The following STAU2 variants were observed in gnomAD, a reference collection of about 807,000 sequenced individuals.
The protein encoded by STAU2 is double-stranded RNA-binding protein Staufen homolog 2.
In STAU2, 20 loss-of-function variants were observed where a neutral mutation model predicts 65.9. That is an observed-to-expected ratio of 0.30 (90% CI 0.21 to 0.44). STAU2 has a LOEUF of 0.44. STAU2 is among the 20% of genes least tolerant of loss of function. STAU2 has a pLI of 1.00. For synonymous variants in STAU2, 232 were observed against 233.9 expected, an observed-to-expected ratio of 0.99 and a Z score of 0.07; for missense variants, 558 against 683.9, an observed-to-expected ratio of 0.82 and a Z score of 2.05.
chr8:73,511,859 T>C (rs956603542), intron 13 of STAU2, among the ~76,000 whole-genome samples: 6 of 152,242 alleles, frequency 3.9e-5, no homozygotes, highest in Non-Finnish European at 5.9e-5. Context: ...ATTTCTCCTA[T>C]GGTTCTTTGA....
intron 13 of STAU2, among the ~76,000 whole-genome samples, chr8:73,496,058 T>A (rs963673952): frequency 5.3e-5 from 8 of 151,422 alleles, no homozygotes; most frequent in African/African-American, 1.9e-4. Context: ...GAAATCCAAT[T>A]CAAAAATGAG....
intron 10 of STAU2, among the ~76,000 whole-genome samples, chr8:73,601,597 G>A (rs551525629): frequency 9.2e-5 from 14 of 152,132 alleles, no homozygotes; most frequent in South Asian, 2.1e-4. Context: ...TACAAAGGCC[G>A]TTACTTTGAT....
chr8:73,459,661 T>C (rs951873031), intron 13 of STAU2, among the ~76,000 whole-genome samples: 2 of 151,964 alleles, frequency 1.3e-5, no homozygotes, highest in African/African-American at 2.4e-5. Flanking sequence ...AAACCCAACC[T>C]CAAGCTCACG....
intron 3 of STAU2, among the ~76,000 whole-genome samples, chr8:73,719,248 C>G (rs994806464): frequency 3.3e-5 from 5 of 152,012 alleles, no homozygotes; most frequent in Admixed American, 3.3e-4. Context: ...CTAAAAAATA[C>G]AAAAAAATTA....
chr8:73,459,357 T>G (rs1819226656), intron 13 of STAU2, among the ~76,000 whole-genome samples: 1 of 152,212 alleles, frequency 6.6e-6, no homozygotes, highest in African/African-American at 2.4e-5. Flanking sequence ...TTATTAGATT[T>G]GCACCAAAAA....
At chr8:73,450,077 G>T (rs999779762) in intron 13 of STAU2, among the ~76,000 whole-genome samples, 1 of 152,148 alleles carries the variant, frequency 6.6e-6, no homozygotes, top group Non-Finnish European at 1.5e-5. Flanking sequence ...ACAGAGGATG[G>T]GTAAATTTGG....
At chr8:73,458,796 G>A (rs1194449918) in intron 13 of STAU2, 1 of 152,224 alleles carries the variant, frequency 6.6e-6, no homozygotes, top group Non-Finnish European at 1.5e-5. Flanking sequence ...AGAAAGAACA[G>A]GAAGAAGTTG....
chr8:73,430,027 T>C (rs1445054586), intron 13 of STAU2, among the ~76,000 whole-genome samples: 2 of 152,236 alleles, frequency 1.3e-5, no homozygotes, highest in East Asian at 3.9e-4. Flanking sequence ...AAAACTAAAT[T>C]ACTAATTATT....
chr8:73,729,843 C>A (rs567539230), intron 3 of STAU2, among the ~76,000 whole-genome samples: 1 of 152,246 alleles, frequency 6.6e-6, no homozygotes, highest in South Asian at 2.1e-4. Context: ...TCACAGTATT[C>A]TCTTTAATCC....
chr8:73,434,815 C>T (rs1308350255), intron 13 of STAU2, among the ~76,000 whole-genome samples: 4 of 151,852 alleles, frequency 2.6e-5, no homozygotes, highest in African/African-American at 9.7e-5. Flanking sequence ...TTCCTTCAGC[C>T]CATTGCTCTC....
At chr8:73,462,199 C>T (rs970606195) in intron 13 of STAU2, among the ~76,000 whole-genome samples, 4 of 152,006 alleles carry the variant, frequency 2.6e-5, no homozygotes, top group African/African-American at 9.7e-5. Flanking sequence ...CCTGCCTCAG[C>T]TTCCTGAGTA....
intron 6 of STAU2, among the ~76,000 whole-genome samples, chr8:73,626,593 T>G (rs756352314): frequency 7.9e-5 from 12 of 152,194 alleles, no homozygotes; most frequent in Admixed American, 1.3e-4. Flanking sequence ...GAGACTGAAC[T>G]GCTCAAGAAA....
At chr8:73,475,265 A>C (rs1179449705) in intron 13 of STAU2, among the ~76,000 whole-genome samples, 1 of 152,174 alleles carries the variant, frequency 6.6e-6, no homozygotes, top group Non-Finnish European at 1.5e-5. Context: ...ATTGTATTTC[A>C]GTGAGAAGTT....
At chr8:73,723,501 G>A (rs1218242716) in intron 3 of STAU2, among the ~76,000 whole-genome samples, 1 of 152,130 alleles carries the variant, frequency 6.6e-6, no homozygotes, top group Admixed American at 6.6e-5. Flanking sequence ...TGTCCCTTGA[G>A]AACTACAATT....
chr8:73,729,002 T>G (rs1047562107), intron 3 of STAU2, among the ~76,000 whole-genome samples: 1 of 152,238 alleles, frequency 6.6e-6, no homozygotes, highest in Non-Finnish European at 1.5e-5. Flanking sequence ...TTCCTGATCA[T>G]AAGGGCAAGG....
chr8:73,421,863 A>G (rs1328231616), intron 14 of STAU2, among the ~76,000 whole-genome samples: 3 of 152,140 alleles, frequency 2.0e-5, no homozygotes, highest in African/African-American at 7.2e-5. Flanking sequence ...AAACCTAAAA[A>G]TGTTATCTCC....
At chr8:73,732,136 A>G (rs1806114254) in intron 3 of STAU2, among the ~76,000 whole-genome samples, 1 of 152,196 alleles carries the variant, frequency 6.6e-6, no homozygotes, top group South Asian at 2.1e-4. Context: ...TCTGCTTCCA[A>G]GAAGGCTCGT....
intron 6 of STAU2, among the ~76,000 whole-genome samples, chr8:73,620,637 AT>A (rs1813158523): frequency 6.6e-6 from 1 of 152,222 alleles, no homozygotes; most frequent in African/African-American, 2.4e-5. Context: ...ATGTGCATGC[AT>A]GTGGATATAT....
chr8:73,468,144 A>G (rs1466497940), intron 13 of STAU2, among the ~76,000 whole-genome samples: 5 of 152,240 alleles, frequency 3.3e-5, no homozygotes, highest in Admixed American at 6.5e-5. Context: ...GCCCTCAGAA[A>G]TAATACCACA....
Sources: allele counts gnomAD v4.1 joint callset (sites outside exome capture counted in the v4.1 genomes callset), GRCh38; gene constraint gnomAD v4.1.1; transcripts MANE v1.5; gene names NCBI Gene and HGNC (gene_info 2026-07-23, HGNC 2026-07-21).